The following CEP85L variants were observed in gnomAD, a reference collection of about 807,000 sequenced individuals.
The protein encoded by CEP85L is centrosomal protein of 85 kDa-like.
In CEP85L, 60 loss-of-function variants were observed where a neutral mutation model predicts 100.3. That is an observed-to-expected ratio of 0.60 (90% CI 0.49 to 0.74). The LOEUF is 0.74. Among genes scored for constraint, CEP85L ranks in the 30% least tolerant of loss-of-function variants. The probability of loss-of-function intolerance (pLI) is 0.00; values close to 1 mark genes in which losing one functional copy is unlikely to be tolerated. For missense variants in CEP85L, 973 were observed against 936.2 expected (o/e 1.04, Z -0.51); for synonymous variants, 319 against 322.7 (o/e 0.99, Z 0.12).
chr6:118,534,531 T>C (rs1325615262), intron 3 of CEP85L, among the ~76,000 whole-genome samples: 1 of 152,074 alleles, frequency 6.6e-6, no homozygotes, highest in Non-Finnish European at 1.5e-5. Flanking sequence ...CACATGCCTG[T>C]AATCCCAGCT....
intron 3 of CEP85L, among the ~76,000 whole-genome samples, chr6:118,529,213 G>A (rs1777142162): frequency 6.6e-6 from 1 of 152,132 alleles, no homozygotes; most frequent in African/African-American, 2.4e-5. Flanking sequence ...GTCTGCAAAT[G>A]TTAAAGGTTT....
At chr6:118,649,735 A>T (rs1395694746) in intron 1 of CEP85L, among the ~76,000 whole-genome samples, 1 of 74,096 alleles carries the variant, frequency 1.3e-5, no homozygotes, top group African/African-American at 5.3e-5. Flanking sequence ...CATACAATTT[A>T]GAAAAAAAAA....
chr6:118,463,372 T>TA lies in CEP85L; in HGVS notation c.*2032dup, dbSNP rs1772327743. The TA allele has an allele frequency of 6.6e-6, 1 of 152,062 alleles. No individual in the cohort carries two copies. 9.4% of individuals were successfully genotyped at this position (152,062 alleles called of 1,614,324 possible). On this transcript the variant is annotated 3_prime_UTR_variant, in exon 13 of 13. Transcript: ENST00000368491. Reference sequence around the variant, plus strand: ...TGTTTGCCAATTTGTTCTATTATTTTAGGAAGCCTTTATTTCTAAAATCAT... The same window carrying TA: ...TGTTTGCCAATTTGTTCTATTATTTTAAGGAAGCCTTTATTTCTAAAATCAT...
chr6:118,679,157 A>G (rs1268723373), intron 1 of CEP85L, among the ~76,000 whole-genome samples: 1 of 152,178 alleles, frequency 6.6e-6, no homozygotes, highest in Non-Finnish European at 1.5e-5. Flanking sequence ...CACAGTCACA[A>G]TCTTCATTCT....
chr6:118,676,326 T>C (rs1438777625), intron 1 of CEP85L, among the ~76,000 whole-genome samples: 1 of 152,192 alleles, frequency 6.6e-6, no homozygotes, highest in Non-Finnish European at 1.5e-5. Flanking sequence ...ATCTCTCCTT[T>C]TCCCAACCCT....
intron 3 of CEP85L, among the ~76,000 whole-genome samples, chr6:118,531,062 A>T (rs183686263): frequency 1.3e-5 from 2 of 152,328 alleles, no homozygotes; most frequent in Admixed American, 6.5e-5. Flanking sequence ...ATTCTAAGCA[A>T]AAAGAATAAA....
At chr6:118,605,926 A>C (rs1772169846) in intron 2 of CEP85L, among the ~76,000 whole-genome samples, 1 of 151,582 alleles carries the variant, frequency 6.6e-6, no homozygotes, top group Admixed American at 6.6e-5. Context: ...AGGCAGGAGA[A>C]TCGCTTGAAC....
intron 3 of CEP85L, among the ~76,000 whole-genome samples, chr6:118,553,383 G>A (rs1360903958): frequency 6.6e-6 from 1 of 152,114 alleles, no homozygotes; most frequent in African/African-American, 2.4e-5. Flanking sequence ...CTCAATGTAT[G>A]ACAGGAAGCC....
rs1200578574 is a variant in CEP85L at position 118,697,147 on chromosome 6, C to G, written c.-28+12889G>C. ...ATGATCACTTAGATTCACTGATTCACCTGCAAGCGTAGAGGTGTGGTCAGC... is the reference window on the plus strand; with the variant it reads ...ATGATCACTTAGATTCACTGATTCAGCTGCAAGCGTAGAGGTGTGGTCAGC... On this transcript the variant is annotated intron_variant, in intron 1 of 13. Coordinates refer to the CEP85L transcript ENST00000368488. Among the ~76,000 whole-genome samples the G allele has an allele frequency of 2.0e-5, 3 of 152,230 alleles. No homozygotes were observed. The East Asian group carries it at 5.8e-4, about 29-fold the overall frequency.
intron 2 of CEP85L, among the ~76,000 whole-genome samples, chr6:118,625,018 A>G (rs1410740920): frequency 6.6e-6 from 1 of 152,230 alleles, no homozygotes; most frequent in African/African-American, 2.4e-5. Context: ...GTTTCCAACC[A>G]CATGTCCCAG....
chr6:118,481,839 T>C lies in CEP85L; in HGVS notation c.1685A>G (p.Lys562Arg). ...LEEIKKQCQD[K>R]ETQLICQKKK... Reference sequence around the variant, plus strand: ...TTTCTGGCATATTAACTGTGTCTCTTTATCTTGACACTGCTTTTTGATCTC... The same window carrying C: ...TTTCTGGCATATTAACTGTGTCTCTCTATCTTGACACTGCTTTTTGATCTC... Residue 562 changes from lysine to arginine, a missense_variant, in exon 8 of 13, where the codon AAA (lysine) becomes AGA (arginine). Lys to Arg is a conservative substitution (Grantham distance 26, BLOSUM62 2). Coordinates refer to ENST00000368491, the MANE Select transcript of CEP85L (RefSeq NM_001042475.3). The C allele has an allele frequency of 6.3e-7, 1 of 1,599,946 alleles. No individual in the cohort carries two copies. The highest frequency in any genetic ancestry group is 8.5e-7 in the Non-Finnish European group (1 of 1,171,998).
chr6:118,630,032 G>A lies in CEP85L; in HGVS notation c.232+2421C>T, dbSNP rs531699553. Among the ~76,000 whole-genome samples, 41 of 152,300 alleles carry A rather than the reference G, an allele frequency of 2.7e-4. No individual in the cohort carries two copies. The South Asian group carries it at 8.3e-3, about 31-fold the overall frequency. Reference sequence around the variant, plus strand: ...GATAAGTGGCTTTTGGAAGGGACTGGTTCTGGCCAGTCACCTGAGGATGCA... The same window carrying A: ...GATAAGTGGCTTTTGGAAGGGACTGATTCTGGCCAGTCACCTGAGGATGCA... On this transcript the variant is annotated intron_variant, in intron 2 of 12. Transcript: ENST00000368491.
upstream of CEP85L, chr6:118,651,972 G>A (rs1366257360): frequency 9.8e-6 from 9 of 915,728 alleles, no homozygotes; most frequent in Admixed American, 6.2e-5. Flanking sequence ...AAGCCAGGGC[G>A]CGGCTGAGGG....
In CEP85L at chr6:118,651,338, G is replaced by A. The variant is rs375704826; in HGVS notation, c.-69C>T. On this transcript the variant is annotated 5_prime_UTR_variant, in exon 1 of 13. Transcript: ENST00000368491. ...ACGTCCGTCCTCCTGCTTCTTCGGC[G>A]GCGGAAACTTGCGCGGAGCGTGGGC... is the stretch of plus-strand genomic sequence containing the variant. 3.8e-4 allele frequency: 531 copies of A among 1,387,464 alleles called. 8 individuals carry two copies. In the South Asian group the frequency reaches 4.8e-3, roughly 12 times the overall value. 85.9% of individuals were successfully genotyped at this position (1,387,464 alleles called of 1,614,324 possible). A position where few individuals can be genotyped will look rare whatever the true frequency, so the allele number is the denominator to read the frequency against.
intron 3 of CEP85L, among the ~76,000 whole-genome samples, chr6:118,550,600 G>A (rs1324145532): frequency 1.3e-5 from 2 of 151,834 alleles, no homozygotes; most frequent in African/African-American, 4.8e-5. Context: ...GCAAAAAGGT[G>A]AACTGCTCAA....
intron 5 of CEP85L, among the ~76,000 whole-genome samples, chr6:118,509,235 T>G (rs1401364635): frequency 6.6e-6 from 1 of 152,124 alleles, no homozygotes; most frequent in Admixed American, 6.6e-5. Flanking sequence ...TGCTTCATCC[T>G]TCAGATACCT....
intron 2 of CEP85L, among the ~76,000 whole-genome samples, chr6:118,600,300 G>GGGGGGGGTGTGT (rs1562297733): frequency 1.3e-4 from 7 of 52,244 alleles, no homozygotes; most frequent in Admixed American, 4.1e-4. Flanking sequence ...CCTTCCTGGG[G>GGGGGGGGTGTGT]GTGTGTGTGT....
chr6:118,608,621 A>T (rs1772407239), intron 2 of CEP85L, among the ~76,000 whole-genome samples: 1 of 152,202 alleles, frequency 6.6e-6, no homozygotes, highest in Non-Finnish European at 1.5e-5. Flanking sequence ...GGGATCTACT[A>T]CCACATTTTT....
At position 118,466,292 on chromosome 6, in the gene CEP85L, T is replaced by C. The variant is rs373577372; in HGVS notation, c.2255-724A>G. ...CTCCTTATACCTTCATAGTAGTTTATTGTAGGCATAAGAGTCAGTGAGTGA... is the reference window on the plus strand; with the variant it reads ...CTCCTTATACCTTCATAGTAGTTTACTGTAGGCATAAGAGTCAGTGAGTGA... On this transcript the variant is annotated intron_variant, in intron 12 of 12. Transcript: ENST00000368491. Among the ~76,000 whole-genome samples, 6 of 152,328 alleles carry C rather than the reference T, an allele frequency of 3.9e-5. No homozygotes were observed. In the East Asian group the frequency reaches 7.7e-4, roughly 20 times the overall value.
Sources: allele counts gnomAD v4.1 joint callset (sites outside exome capture counted in the v4.1 genomes callset), GRCh38; gene constraint gnomAD v4.1.1; transcripts MANE v1.5; gene names NCBI Gene and HGNC (gene_info 2026-07-23, HGNC 2026-07-21).